The following CMIP variants were observed in gnomAD, a reference collection of about 807,000 sequenced individuals.
The protein encoded by CMIP is c-Maf inducing protein.
A neutral mutation model predicts 97.3 loss-of-function variants in CMIP; 13 were observed. That is an observed-to-expected ratio of 0.13 (90% confidence interval 0.09 to 0.21). The LOEUF (loss-of-function observed/expected upper bound fraction) is 0.21, where lower values mean the gene tolerates loss of function less well. Among genes scored for constraint, CMIP ranks in the 10% least tolerant of loss-of-function variants. CMIP has a pLI of 1.00. For synonymous variants in CMIP, 538 were observed against 436.3 expected (o/e 1.23, Z -2.91); for missense variants, 847 against 1,024.9 (o/e 0.83, Z 2.37).
chr16:81,646,241 C>T (rs995866916), intron 3 of CMIP, among the ~76,000 whole-genome samples: 18 of 5,014 alleles, frequency 3.6e-3, no homozygotes, highest in Non-Finnish European at 5.5e-3. Flanking sequence ...GATGGGTGGG[C>T]GGGTGGGTGG....
rs372233201 is a variant in CMIP at position 81,698,531 on chromosome 16, C to T, written c.1639-1154C>T. Among the ~76,000 whole-genome samples the T allele has an allele frequency of 1.7e-3, 258 of 152,288 alleles. 1 individual carries two copies. The highest frequency in any genetic ancestry group is 5.7e-3 in the African/African-American group (237 of 41,548). ...CCTAGAAGTTTCTACGTGGTTCCAGCGGTGCCAGGAATTCAAAGGATCAAC... is the reference window on the plus strand; with the variant it reads ...CCTAGAAGTTTCTACGTGGTTCCAGTGGTGCCAGGAATTCAAAGGATCAAC... On this transcript the variant is annotated intron_variant, in intron 14 of 20. Transcript: ENST00000537098.
intron 1 of CMIP, among the ~76,000 whole-genome samples, chr16:81,572,707 C>A (rs61732867): frequency 0.026 from 3,892 of 152,302 alleles, 72 homozygotes; most frequent in Non-Finnish European, 0.037. Context: ...TGATCGCTGG[C>A]CCTGCTTGCC....
Position 81,711,451 on chromosome 16 carries a change from G to A in CMIP, c.*1652G>A, listed in dbSNP as rs1034072635. 1 of 152,014 alleles carries A rather than the reference G, an allele frequency of 6.6e-6. No homozygotes were observed. Among genetic ancestry groups the A allele is most frequent in the African/African-American group, 2.4e-5 (1 of 41,356 alleles). 9.4% of individuals were successfully genotyped at this position (152,014 alleles called of 1,614,324 possible). A position where few individuals can be genotyped will look rare whatever the true frequency, so the allele number is the denominator to read the frequency against. Reference sequence around the variant, plus strand: ...GCCAGGTTTTATTTCGTGTGTGTGTGAGTGTGTTCTGTTTTGTGTTTTGTT... The same window carrying A: ...GCCAGGTTTTATTTCGTGTGTGTGTAAGTGTGTTCTGTTTTGTGTTTTGTT... On this transcript the variant is annotated 3_prime_UTR_variant, in exon 21 of 21. Coordinates refer to ENST00000537098, the MANE Select transcript of CMIP (RefSeq NM_198390.3).
intron 1 of CMIP, among the ~76,000 whole-genome samples, chr16:81,595,405 C>G (rs939595382): frequency 1.5e-5 from 1 of 67,932 alleles, no homozygotes; most frequent in Non-Finnish European, 3.0e-5. Flanking sequence ...TTTTTTTTTT[C>G]TGAGACAGAG....
At chr16:81,658,806 C>T (rs1224148103) in intron 5 of CMIP, among the ~76,000 whole-genome samples, 1 of 152,218 alleles carries the variant, frequency 6.6e-6, no homozygotes, top group Non-Finnish European at 1.5e-5. Context: ...CCTGGGATGT[C>T]TCCTGGCTGC....
rs1478649391 is a variant in CMIP at position 81,678,550 on chromosome 16, C to T, written c.1310C>T (p.Ala437Val). The T allele has an allele frequency of 3.1e-6, 5 of 1,608,652 alleles. No individual in the cohort carries two copies. Among genetic ancestry groups the T allele is most frequent in the Non-Finnish European group, 3.4e-6 (4 of 1,178,476 alleles). Residue 437 changes from alanine to valine, a missense_variant, in exon 10 of 21, where the codon GCC becomes GTC. By Grantham distance (64) the Ala-to-Val change is moderately conservative. Transcript: ENST00000537098. ...ATCGACTGCCTCATGGTCAGCCCCG[C>T]CTGCAGCACCATGAGCATCGAGCTG... is the stretch of plus-strand genomic sequence containing the variant. ...NLIDCLMVSPACSTMSIELGP... is the reference protein window; with the variant it reads ...NLIDCLMVSPVCSTMSIELGP...
chr16:81,573,558 G>A (rs1305387677), intron 1 of CMIP, among the ~76,000 whole-genome samples: 1 of 152,060 alleles, frequency 6.6e-6, no homozygotes, highest in Non-Finnish European at 1.5e-5. Context: ...TAAAAAGTGG[G>A]TGTTTGTGTT....
chr16:81,545,479 G>A (rs1055333010), intron 1 of CMIP, among the ~76,000 whole-genome samples: 2 of 152,132 alleles, frequency 1.3e-5, no homozygotes, highest in Admixed American at 6.5e-5. Flanking sequence ...TTTACTGAGC[G>A]TCTCCTGTGT....
At chr16:81,449,419 A>G (rs1307363490) in intron 1 of CMIP, among the ~76,000 whole-genome samples, 2 of 152,192 alleles carry the variant, frequency 1.3e-5, no homozygotes, top group African/African-American at 2.4e-5. Flanking sequence ...TGTTTAGCAC[A>G]GGCTTACTGC....
At chr16:81,458,413 G>A (rs1226608928) in intron 1 of CMIP, among the ~76,000 whole-genome samples, 2 of 152,194 alleles carry the variant, frequency 1.3e-5, no homozygotes, top group East Asian at 1.9e-4. Flanking sequence ...CCAGTGGTAA[G>A]CAGGGCACCC....
At chr16:81,700,182 G>T (rs556435446) in intron 15 of CMIP, among the ~76,000 whole-genome samples, 13 of 152,178 alleles carry the variant, frequency 8.5e-5, no homozygotes, top group Non-Finnish European at 1.8e-4. Flanking sequence ...ATGGGGCCAG[G>T]TTGGGTTAGC....
intron 1 of CMIP, among the ~76,000 whole-genome samples, chr16:81,581,458 A>G (rs1465256455): frequency 6.6e-6 from 1 of 152,176 alleles, no homozygotes; most frequent in Non-Finnish European, 1.5e-5. Flanking sequence ...GGCAGTTGTA[A>G]CATAGTGGTA....
Position 81,616,624 on chromosome 16 carries a change from A to G in CMIP, c.427-4252A>G, listed in dbSNP as rs1371036292. Among the ~76,000 whole-genome samples, 1 of 152,208 alleles carries G rather than the reference A, an allele frequency of 6.6e-6. No homozygotes were observed. The highest frequency in any genetic ancestry group is 2.4e-5 in the African/African-American group (1 of 41,450). On this transcript the variant is annotated intron_variant, in intron 2 of 20. Coordinates refer to ENST00000537098, the MANE Select transcript of CMIP (RefSeq NM_198390.3). This position sits in a 1 kb window ranked among gnomAD's most constrained non-coding sequence, Gnocchi z 4.7. The stretch of plus-strand genomic sequence containing the variant: ...GAACCGAAACCTGCCTTCTTCCTGG[A>G]CTGCCACACCGACCTCCAAGAGTTG...
At chr16:81,467,781 A>G (rs1334023755) in intron 1 of CMIP, among the ~76,000 whole-genome samples, 1 of 150,860 alleles carries the variant, frequency 6.6e-6, no homozygotes, top group East Asian at 1.9e-4. Flanking sequence ...GGGTTTCGCC[A>G]TCTTGCCCAG....
intron 1 of CMIP, among the ~76,000 whole-genome samples, chr16:81,590,086 A>T (rs1322272137): frequency 1.3e-5 from 2 of 152,098 alleles, no homozygotes; most frequent in Non-Finnish European, 2.9e-5. Context: ...GGGCCTCAGG[A>T]TAGACCAGCA....
Position 81,510,214 on chromosome 16 carries a change from C to T in CMIP, c.300+64673C>T, listed in dbSNP as rs1301614757. Among the ~76,000 whole-genome samples the T allele has an allele frequency of 5.3e-5, 8 of 152,170 alleles. No individual in the cohort carries two copies. The South Asian group carries it at 6.2e-4, about 12-fold the overall frequency. On this transcript the variant is annotated intron_variant, in intron 1 of 20. Transcript: ENST00000537098. ...ATAGTTCTCAAGGTCTGATCGGGGA[C>T]GAGGGGGTGCTCGCTCCTCACAGCT...
rs961936638 is a variant in CMIP at position 81,616,540 on chromosome 16, G to C, written c.427-4336G>C. The stretch of plus-strand genomic sequence containing the variant: ...GTAGTGACATGCGTCATCGCACTTA[G>C]TTCGCCAGCCTGTGTCATACCTGTT... On this transcript the variant is annotated intron_variant, in intron 2 of 20. Coordinates refer to ENST00000537098, the MANE Select transcript of CMIP (RefSeq NM_198390.3). The surrounding 1 kb of genome is among the most constrained non-coding windows in gnomAD (Gnocchi z 4.7). 1.3e-5 allele frequency among the ~76,000 whole-genome samples: 2 copies of C among 152,216 alleles called. No homozygotes were observed. The highest frequency in any genetic ancestry group is 4.8e-5 in the African/African-American group (2 of 41,462).
At chr16:81,456,003 A>G (rs1321010353) in intron 1 of CMIP, among the ~76,000 whole-genome samples, 1 of 152,212 alleles carries the variant, frequency 6.6e-6, no homozygotes, top group Non-Finnish European at 1.5e-5. Flanking sequence ...CTCAGCTGGC[A>G]GGTTACAGGG....
At chr16:81,549,039 C>T (rs532009534) in intron 1 of CMIP, among the ~76,000 whole-genome samples, 259 of 152,308 alleles carry the variant, frequency 1.7e-3, no homozygotes, top group Non-Finnish European at 3.1e-3. Context: ...GGCCTGTACT[C>T]AGTTCCTGGA....
Sources: gnomAD v4.1 joint callset for allele counts (sites outside exome capture counted in the v4.1 genomes callset) on GRCh38, gnomAD v4.1.1 for gene constraint, Gnocchi (gnomAD v3.1) non-coding constraint, MANE v1.5 for transcripts, NCBI Gene and HGNC (gene_info 2026-07-23, HGNC 2026-07-21) for gene names.